The following CDK12 variants were observed in gnomAD, a reference collection of about 807,000 sequenced individuals.
The protein encoded by CDK12 is cyclin-dependent kinase 12.
A neutral mutation model predicts 133.8 loss-of-function variants in CDK12; 17 were observed. That is an observed-to-expected ratio of 0.13 (90% confidence interval 0.09 to 0.19). The LOEUF (loss-of-function observed/expected upper bound fraction) is 0.19, where lower values mean the gene tolerates loss of function less well. Ranked by LOEUF, CDK12 falls within the 10% of genes least tolerant of loss-of-function variation. CDK12 has a pLI of 1.00. For synonymous variants in CDK12, 694 were observed against 683.6 expected, an observed-to-expected ratio of 1.02 and a Z score of -0.24; for missense variants, 1,508 against 1,818.7, an observed-to-expected ratio of 0.83 and a Z score of 3.11.
At chr17:39,551,413 C>T (rs1210950883) in intron 2 of CDK12, among the ~76,000 whole-genome samples, 1 of 152,110 alleles carries the variant, frequency 6.6e-6, no homozygotes, top group African/African-American at 2.4e-5. Context: ...ATAAGATCTA[C>T]AGGGAAGGAA....
At position 39,532,140 on chromosome 17, in the gene CDK12, C is replaced by G. The variant is rs8075042; in HGVS notation, c.*824C>G. The G allele has an allele frequency of 0.7, 156,745 of 224,944 alleles. 56,248 individuals are homozygous for G. Among genetic ancestry groups the G allele is most frequent in the South Asian group, 0.89 (4,777 of 5,356 alleles). 13.9% of individuals were successfully genotyped at this position (224,944 alleles called of 1,614,324 possible). On this transcript the variant is annotated 3_prime_UTR_variant, in exon 14 of 14. Coordinates refer to ENST00000447079, the MANE Select transcript of CDK12 (RefSeq NM_016507.4). Reference sequence around the variant, plus strand: ...TCTCTCTCTCTCTCTCTCTCTCTCTCTCTGTCTCGCTTGCTCGCTCTCGCT... The same window carrying G: ...TCTCTCTCTCTCTCTCTCTCTCTCTGTCTGTCTCGCTTGCTCGCTCTCGCT...
intron 2 of CDK12, among the ~76,000 whole-genome samples, chr17:39,485,192 C>A (rs1469713986): frequency 6.8e-6 from 1 of 148,088 alleles, no homozygotes; most frequent in African/African-American, 2.5e-5. Context: ...AAAAAAAGTT[C>A]AGACACTCTG....
chr17:39,493,520 G>C (rs1206342450), intron 4 of CDK12, among the ~76,000 whole-genome samples: 1 of 149,622 alleles, frequency 6.7e-6, no homozygotes, highest in East Asian at 2.0e-4. Context: ...TGTTGGCCAG[G>C]CAGTCTTGAA....
rs751699241 is a variant in CDK12, at chr17:39,499,208, C to CTT, written c.2420-2027_2420-2026dup. 1.6e-4 allele frequency among the ~76,000 whole-genome samples: 2 copies of CTT among 12,442 alleles called. 1 individual carries two copies. The highest frequency in any genetic ancestry group is 2.5e-4 in the Non-Finnish European group (2 of 8,082). 8.2% of individuals were successfully genotyped at this position (12,442 alleles called of 152,430 possible). On this transcript the variant is annotated intron_variant, in intron 5 of 13. Coordinates refer to ENST00000447079, the MANE Select transcript of CDK12 (RefSeq NM_016507.4). Reference sequence around the variant, plus strand: ...CTTTCTTTCTTTCTTTCTTTCTTTCCTTTTTTTTTTTTTTTTGAGACAGAG... The same window carrying CTT: ...CTTTCTTTCTTTCTTTCTTTCTTTCCTTTTTTTTTTTTTTTTTTGAGACAGAG...
At chr17:39,555,252 C>CA (rs1447520917) in intron 2 of CDK12, among the ~76,000 whole-genome samples, 1 of 152,056 alleles carries the variant, frequency 6.6e-6, no homozygotes, top group Admixed American at 6.6e-5. Flanking sequence ...GACTCTGTCT[C>CA]AAAAAATAAA....
rs549529655 is a variant in CDK12 at position 39,531,676 on chromosome 17, A to T, written c.*360A>T. 3.9e-6 allele frequency: 1 copy of T among 254,720 alleles called. No homozygotes were observed. Among genetic ancestry groups the T allele is most frequent in the Non-Finnish European group, 7.5e-6 (1 of 133,188 alleles). 15.8% of individuals were successfully genotyped at this position (254,720 alleles called of 1,614,324 possible). A position where few individuals can be genotyped will look rare whatever the true frequency, so the allele number is the denominator to read the frequency against. ...AACAGTTTCAGTATTGAGATGGCTCAGGAGAGGCTCTTTGATTTTTAAAGT... is the reference window on the plus strand; with the variant it reads ...AACAGTTTCAGTATTGAGATGGCTCTGGAGAGGCTCTTTGATTTTTAAAGT... On this transcript the variant is annotated 3_prime_UTR_variant, in exon 14 of 14. Coordinates refer to ENST00000447079, the MANE Select transcript of CDK12 (RefSeq NM_016507.4).
intron 2 of CDK12, among the ~76,000 whole-genome samples, chr17:39,554,571 G>A (rs1347373050): frequency 1.3e-5 from 2 of 152,164 alleles, no homozygotes; most frequent in Middle Eastern, 3.2e-3. Context: ...GGCCTATACT[G>A]GATCTGGTAA....
intron 11 of CDK12, among the ~76,000 whole-genome samples, chr17:39,522,823 T>C (rs1598163695): frequency 6.7e-6 from 1 of 149,450 alleles, no homozygotes. Context: ...GAGGCCGAGG[T>C]GGATGGATCA....
intron 1 of CDK12, among the ~76,000 whole-genome samples, chr17:39,540,949 T>C (rs1470969259): frequency 1.3e-5 from 2 of 152,102 alleles, no homozygotes; most frequent in African/African-American, 4.8e-5. Context: ...GACAAAACAA[T>C]TTATAGGAAG....
At position 39,558,421 on chromosome 17, in the gene CDK12, C is replaced by T. The variant is rs1399311351; in HGVS notation, n.484+2008C>T. Among the ~76,000 whole-genome samples, 3 of 152,118 alleles carry T rather than the reference C, an allele frequency of 2.0e-5. No individual in the cohort carries two copies. In the East Asian group the frequency reaches 5.8e-4, roughly 29 times the overall value. On this transcript the variant is annotated intron_variant and non_coding_transcript_variant, in intron 3 of 3. Transcript: ENST00000558240. ...TTTATCTGCATTAGCTCTTTTGATA[C>T]CCAGAACCAGTAAAGAGAACTCCAT...
In CDK12 at chr17:39,531,169, G is replaced by A; in HGVS notation, c.4326G>A (p.Glu1442=). The change falls in exon 14 of 14, where the codon GAG becomes GAA. Residue 1442 remains glutamate, a synonymous_variant. Transcript: ENST00000447079. ...AGACCAAATTGCAAAACTATGGGGA[G>A]CTGGGGCCAGGAACCACTGGGGCCA... ...HAETKLQNYG[E]LGPGTTGASS... 1.3e-6 allele frequency: 2 copies of A among 1,525,142 alleles called. No individual in the cohort carries two copies. Among genetic ancestry groups the A allele is most frequent in the Non-Finnish European group, 8.8e-7 (1 of 1,137,752 alleles). The allele number at this position is 1,525,142 out of a possible 1,614,324, so 94.5% of individuals were successfully genotyped here. A position where few individuals can be genotyped will look rare whatever the true frequency, so the allele number is the denominator to read the frequency against.
chr17:39,469,823 G>C (rs1221963193), intron 1 of CDK12, among the ~76,000 whole-genome samples: 1 of 151,858 alleles, frequency 6.6e-6, no homozygotes, highest in Non-Finnish European at 1.5e-5. Context: ...TTTTAGTAGA[G>C]ACGGGGTTTC....
At chr17:39,529,346 T>G (rs1429205605) in intron 13 of CDK12, among the ~76,000 whole-genome samples, 1 of 152,220 alleles carries the variant, frequency 6.6e-6, no homozygotes, top group Non-Finnish European at 1.5e-5. Context: ...ATAATTAAGG[T>G]AAATATGCTA....
At chr17:39,488,647 T>A (rs1437374853) in intron 2 of CDK12, among the ~76,000 whole-genome samples, 1 of 152,212 alleles carries the variant, frequency 6.6e-6, no homozygotes, top group African/African-American at 2.4e-5. Context: ...TCTTCTTGTT[T>A]GTTAAATCTT....
chr17:39,510,365 T>C (rs957151555), intron 7 of CDK12, among the ~76,000 whole-genome samples: 1 of 152,008 alleles, frequency 6.6e-6, no homozygotes, highest in African/African-American at 2.4e-5. Flanking sequence ...GTGATTCATC[T>C]GCCTCAGCTT....
At chr17:39,554,257 A>G (rs574661825) in intron 2 of CDK12, among the ~76,000 whole-genome samples, 1 of 152,340 alleles carries the variant, frequency 6.6e-6, no homozygotes, top group South Asian at 2.1e-4. Context: ...ACCTGGAAGG[A>G]TAACTGCTGG....
Position 39,519,298 on chromosome 17 carries a change from C to CT in CDK12, c.2964-631dup, listed in dbSNP as rs386386050. Among the ~76,000 whole-genome samples the CT allele has an allele frequency of 3.6e-3, 197 of 53,992 alleles. 27 individuals are homozygous for CT. Among genetic ancestry groups the CT allele is most frequent in the African/African-American group, 8.8e-3 (115 of 13,092 alleles). 35.4% of individuals were successfully genotyped at this position (53,992 alleles called of 152,430 possible). A position where few individuals can be genotyped will look rare whatever the true frequency, so the allele number is the denominator to read the frequency against. On this transcript the variant is annotated intron_variant, in intron 10 of 13. Transcript: ENST00000447079. ...TTGGTTTTACATGGAAATTCAAAGACTTTTTTTTTTTTTTTTTTTTTTTTT... is the reference window on the plus strand; with the variant it reads ...TTGGTTTTACATGGAAATTCAAAGACTTTTTTTTTTTTTTTTTTTTTTTTTT...
intron 13 of CDK12, chr17:39,530,097 T>G (rs2054736764): frequency 6.5e-6 from 1 of 153,672 alleles, no homozygotes; most frequent in Admixed American, 6.4e-5. Flanking sequence ...CTCCTATATA[T>G]TCTTTAAGTT....
intron 8 of CDK12, among the ~76,000 whole-genome samples, chr17:39,513,848 T>A (rs1479208751): frequency 6.6e-6 from 1 of 152,224 alleles, no homozygotes; most frequent in Non-Finnish European, 1.5e-5. Context: ...TGGGATTTTT[T>A]ATAGAGAATT....
Sources: gnomAD v4.1 joint callset for allele counts (sites outside exome capture counted in the v4.1 genomes callset) on GRCh38, gnomAD v4.1.1 for gene constraint, MANE v1.5 for transcripts, NCBI Gene and HGNC (gene_info 2026-07-23, HGNC 2026-07-21) for gene names.